Variants in TBX5 observed in about 807,000 individuals in gnomAD.
TBX5 encodes T-box transcription factor 5.
In TBX5, 8 loss-of-function variants were observed where a neutral mutation model predicts 51.1. The ratio of observed to expected loss-of-function variants is 0.16; its 90% CI spans 0.09 to 0.28. TBX5 has a LOEUF of 0.28. Ranked by LOEUF, TBX5 falls within the 10% of genes least tolerant of loss-of-function variation. TBX5 has a pLI of 1.00. For missense variants in TBX5, 589 were observed against 671.7 expected (o/e 0.88, Z 1.36); for synonymous variants, 302 against 266.4 (o/e 1.13, Z -1.30).
At chr12:114,388,536 G>A (rs753444109) in intron 6 of TBX5, among the ~76,000 whole-genome samples, 17 of 152,140 alleles carry the variant, frequency 1.1e-4, no homozygotes, top group Admixed American at 3.3e-4. Flanking sequence ...GGAGTGCAGT[G>A]GAGTGACCAT....
At chr12:114,407,919 C>T (rs1305497908), upstream of TBX5, 3 of 985,350 alleles carry the variant, frequency 3.0e-6, no homozygotes, top group Middle Eastern at 5.2e-4. Context: ...AAAGAGACCT[C>T]TTTAGGCCAG....
At chr12:114,394,566 G>GT (rs1871320441) in intron 6 of TBX5, among the ~76,000 whole-genome samples, 175 bp downstream of exon 6, 1 of 152,184 alleles carries the variant, frequency 6.6e-6, no homozygotes, top group Admixed American at 6.5e-5. Flanking sequence ...CGTGGATATA[G>GT]TAAAAACAGC....
chr12:114,398,443 T>C, intron 5 of TBX5, 130 bp downstream of exon 5: 2 of 1,332,932 alleles, frequency 1.5e-6, no homozygotes, highest in East Asian at 2.5e-5. Flanking sequence ...GCGACGAAAG[T>C]GGGGGAAAAT....
rs1033459293 is a variant in TBX5 at position 114,355,182 on chromosome 12, A to T, written c.*350T>A. 2 of 382,734 alleles carry T rather than the reference A, an allele frequency of 5.2e-6. No homozygotes were observed. Among genetic ancestry groups the T allele is most frequent in the Admixed American group, 7.3e-5 (2 of 27,414 alleles). 23.7% of individuals were successfully genotyped at this position (382,734 alleles called of 1,614,324 possible). A position where few individuals can be genotyped will look rare whatever the true frequency, so the allele number is the denominator to read the frequency against. The stretch of plus-strand genomic sequence containing the variant: ...AACTACGCACTAGGGAAAAACACTC[A>T]ATGAGGCAAGACTTTCTAGAGCCCA... On this transcript the variant is annotated 3_prime_UTR_variant, in exon 9 of 9. Transcript: ENST00000405440.
chr12:114,389,972 A>C (rs1315981821), intron 6 of TBX5, among the ~76,000 whole-genome samples: 1 of 151,674 alleles, frequency 6.6e-6, no homozygotes, highest in African/African-American at 2.4e-5. Context: ...TGCCCCAAGG[A>C]AAGAAGAAAA....
intron 5 of TBX5, among the ~76,000 whole-genome samples, chr12:114,397,877 G>A (rs1258794959): frequency 1.3e-5 from 2 of 152,228 alleles, no homozygotes; most frequent in Non-Finnish European, 2.9e-5. Context: ...GAGGGGGCAG[G>A]TGAGCTGGGC....
At chr12:114,387,900 G>A (rs776125054) in intron 6 of TBX5, among the ~76,000 whole-genome samples, 1 of 152,174 alleles carries the variant, frequency 6.6e-6, no homozygotes, top group Non-Finnish European at 1.5e-5. Context: ...GCTGCAGTGC[G>A]AACATAGCTC....
intron 7 of TBX5, among the ~76,000 whole-genome samples, chr12:114,371,547 G>A (rs1171151128): frequency 6.6e-6 from 1 of 151,388 alleles, no homozygotes; most frequent in Non-Finnish European, 1.5e-5. Context: ...CTTTTCATGG[G>A]AGCAGGTGGC....
chr12:114,357,659 A>G (rs1187147796), intron 8 of TBX5, among the ~76,000 whole-genome samples: 1 of 152,232 alleles, frequency 6.6e-6, no homozygotes, highest in East Asian at 1.9e-4. Context: ...GACATAATTC[A>G]CAATAATACC....
At position 114,403,782 on chromosome 12, in the gene TBX5, C is replaced by A; in HGVS notation, c.117G>T (p.Pro39=). 1 of 1,613,848 alleles carries A rather than the reference C, an allele frequency of 6.2e-7. No individual in the cohort carries two copies. Among genetic ancestry groups the A allele is most frequent in the Non-Finnish European group, 8.5e-7 (1 of 1,179,990 alleles). ...GGGTGAAGGCGGCCTGCGGGGACGA[C>A]GGGGACTTGCTGGGGGCCCCGAGCG... The part of the protein sequence containing the change: ...ESALGAPSKS[P]SSPQAAFTQQ... Residue 39 remains proline (P), a synonymous_variant, in exon 2 of 9, where the codon CCG becomes CCT. Transcript: ENST00000405440.
chr12:114,376,898 G>C (rs1427577617), intron 7 of TBX5, among the ~76,000 whole-genome samples: 1 of 149,028 alleles, frequency 6.7e-6, no homozygotes, highest in East Asian at 2.0e-4. Flanking sequence ...CTGGGGATGG[G>C]TTAGGTGGGG....
chr12:114,393,147 G>A (rs1054572262), intron 6 of TBX5, among the ~76,000 whole-genome samples: 6 of 152,106 alleles, frequency 3.9e-5, no homozygotes, highest in African/African-American at 1.4e-4. Context: ...ACCTTCGAGG[G>A]GTGAGGGGAG....
At chr12:114,399,032 G>C (rs1485325135) in intron 4 of TBX5, among the ~76,000 whole-genome samples, 2 of 152,144 alleles carry the variant, frequency 1.3e-5, no homozygotes, top group African/African-American at 4.8e-5. Context: ...TTCAACGGGG[G>C]TTTCATCGTC....
chr12:114,391,200 T>C (rs1871126676), intron 6 of TBX5, among the ~76,000 whole-genome samples: 1 of 152,242 alleles, frequency 6.6e-6, no homozygotes, highest in South Asian at 2.1e-4. Flanking sequence ...CCCTGCTCAT[T>C]TATCCAAGGC....
At chr12:114,405,045 C>A (rs1390288139) in intron 1 of TBX5, among the ~76,000 whole-genome samples, 1 of 152,226 alleles carries the variant, frequency 6.6e-6, no homozygotes, top group Non-Finnish European at 1.5e-5. Flanking sequence ...AGTAGGAATT[C>A]CCCCTAGAAC....
rs5801052 is a variant in TBX5, at chr12:114,380,850, T to TAAAA, written c.755+4622_755+4625dup. ...TCCTAAATAAATAAATAGTTTTTAT[T>TAAAA]AAAAAAAAAACTCCTTTGTCACCAA... On this transcript the variant is annotated intron_variant, in intron 7 of 8. Coordinates refer to ENST00000405440, the MANE Select transcript of TBX5 (RefSeq NM_181486.4). 4.3e-3 allele frequency among the ~76,000 whole-genome samples: 646 copies of TAAAA among 150,558 alleles called. 3 individuals are homozygous for TAAAA. The highest frequency in any genetic ancestry group is 7.8e-3 in the Admixed American group (118 of 15,140).
rs369034176 is a variant in TBX5, at chr12:114,355,613, G to A, written c.1476C>T (p.Gly492=). ...LQPPEFLYSH[G]VPRTLSPHQY... is the part of the protein sequence containing the mutation. ...GATGAGGGGATAGAGTCCTTGGCAC[G>A]CCATGAGAGTAGAGGAACTCAGGGG... The change falls in exon 9 of 9, where the codon GGC becomes GGT. Residue 492 remains glycine, a synonymous_variant. Coordinates refer to ENST00000405440, the MANE Select transcript of TBX5 (RefSeq NM_181486.4). 8.1e-5 allele frequency: 131 copies of A among 1,614,034 alleles called. No homozygotes were observed. Among genetic ancestry groups the A allele is most frequent in the Non-Finnish European group, 9.8e-5 (116 of 1,180,042 alleles).
chr12:114,374,263 T>A (rs1870075188), intron 7 of TBX5, among the ~76,000 whole-genome samples: 1 of 152,120 alleles, frequency 6.6e-6, no homozygotes, highest in Non-Finnish European at 1.5e-5. Flanking sequence ...TGTTAATTAG[T>A]GGAGTTGGGT....
intron 7 of TBX5, among the ~76,000 whole-genome samples, chr12:114,368,736 C>T (rs10850330): frequency 0.037 from 5,651 of 152,292 alleles, 424 homozygotes; most frequent in East Asian, 0.35. Context: ...AACATCTCCA[C>T]CCTATGTCCC....
Sources: gnomAD v4.1 joint callset for allele counts (sites outside exome capture counted in the v4.1 genomes callset) on GRCh38, gnomAD v4.1.1 for gene constraint, MANE v1.5 for transcripts, NCBI Gene and HGNC (gene_info 2026-07-23, HGNC 2026-07-21) for gene names.